Variants in MAML3 observed in about 807,000 individuals in gnomAD.
MAML3 encodes mastermind-like protein 3.
A neutral mutation model predicts 101.9 loss-of-function variants in MAML3; 27 were observed. The observed-to-expected ratio is 0.27, with a 90% confidence interval of 0.20 to 0.37. The LOEUF is 0.37. MAML3 is among the 10% of genes least tolerant of loss of function. The pLI is 1.00. For synonymous variants in MAML3, 501 were observed against 555.9 expected, an observed-to-expected ratio of 0.90 and a Z score of 1.39; for missense variants, 1,316 against 1,444.9, an observed-to-expected ratio of 0.91 and a Z score of 1.45.
intron 1 of MAML3, among the ~76,000 whole-genome samples, chr4:140,090,335 T>C (rs559452331): frequency 6.6e-6 from 1 of 152,300 alleles, no homozygotes; most frequent in South Asian, 2.1e-4. Flanking sequence ...TCATGGAATG[T>C]TAGAATGTTG....
intron 1 of MAML3, among the ~76,000 whole-genome samples, chr4:139,907,779 G>A (rs576038602): frequency 1.3e-5 from 2 of 152,280 alleles, no homozygotes; most frequent in South Asian, 2.1e-4. Flanking sequence ...AGACAACAAT[G>A]TTGTATCCCA....
chr4:139,918,128 A>G (rs1733059672), intron 1 of MAML3, among the ~76,000 whole-genome samples: 1 of 151,872 alleles, frequency 6.6e-6, no homozygotes, highest in South Asian at 2.1e-4. Context: ...CTCTTGCGCT[A>G]TTGTTCCACT....
chr4:140,068,263 T>C (rs1578667799), intron 1 of MAML3, among the ~76,000 whole-genome samples: 1 of 152,178 alleles, frequency 6.6e-6, no homozygotes, highest in Non-Finnish European at 1.5e-5. Context: ...CTTTGCATTC[T>C]CTATAATCTT....
intron 1 of MAML3, among the ~76,000 whole-genome samples, chr4:140,091,537 CAAA>C (rs570700966): frequency 1.4e-5 from 1 of 71,622 alleles, no homozygotes; most frequent in African/African-American, 4.7e-5. Flanking sequence ...AACAACAAAA[CAAA>C]AACAAAACAA....
intron 1 of MAML3, among the ~76,000 whole-genome samples, chr4:140,039,073 C>T (rs551883330): frequency 1.1e-4 from 17 of 151,932 alleles, no homozygotes; most frequent in Non-Finnish European, 2.4e-4. Flanking sequence ...GAGTCGAGAT[C>T]GATCGTGCCA....
intron 2 of MAML3, among the ~76,000 whole-genome samples, chr4:139,762,971 T>G (rs1729785236): frequency 6.6e-6 from 1 of 152,138 alleles, no homozygotes; most frequent in Non-Finnish European, 1.5e-5. Context: ...TCCTCTGGCT[T>G]CTCTTGGCAC....
intron 1 of MAML3, among the ~76,000 whole-genome samples, chr4:139,937,122 T>G (rs764506577): frequency 2.6e-5 from 4 of 152,208 alleles, no homozygotes; most frequent in African/African-American, 7.2e-5. Flanking sequence ...CTAGCCAAAT[T>G]TTCTAAAAGA....
At chr4:140,078,830 GC>G (rs1727819175) in intron 1 of MAML3, among the ~76,000 whole-genome samples, 1 of 152,120 alleles carries the variant, frequency 6.6e-6, no homozygotes, top group South Asian at 2.1e-4. Context: ...AACTCCCAGG[GC>G]CCACCATGAG....
intron 2 of MAML3, among the ~76,000 whole-genome samples, chr4:139,766,274 C>T (rs534511751): frequency 6.6e-4 from 100 of 152,188 alleles, no homozygotes; most frequent in South Asian, 2.7e-3. Context: ...TGGGTTCAAG[C>T]GATTCTCCTG....
chr4:139,767,130 C>T (rs1729877416), intron 2 of MAML3, among the ~76,000 whole-genome samples: 1 of 152,246 alleles, frequency 6.6e-6, no homozygotes, highest in African/African-American at 2.4e-5. Flanking sequence ...AGCACCACAA[C>T]AACTTTCCAG....
intron 1 of MAML3, among the ~76,000 whole-genome samples, chr4:140,121,639 C>A (rs1197618920): frequency 6.6e-6 from 1 of 152,150 alleles, no homozygotes; most frequent in East Asian, 1.9e-4. Flanking sequence ...TTTAATCCCT[C>A]AAAGTGATAT....
chr4:139,869,162 C>A (rs765056107), intron 2 of MAML3, among the ~76,000 whole-genome samples: 1 of 152,166 alleles, frequency 6.6e-6, no homozygotes, highest in Non-Finnish European at 1.5e-5. Flanking sequence ...TGTTCCAATT[C>A]TTTTGCTTCC....
intron 2 of MAML3, among the ~76,000 whole-genome samples, chr4:139,801,439 T>A (rs1730601714): frequency 6.6e-6 from 1 of 151,888 alleles, no homozygotes; most frequent in Non-Finnish European, 1.5e-5. Flanking sequence ...ACCACCGCTG[T>A]GGGGAGGGAT....
chr4:140,067,726 C>CTTT (rs34853196), intron 1 of MAML3, among the ~76,000 whole-genome samples: 23 of 131,370 alleles, frequency 1.8e-4, no homozygotes, highest in South Asian at 2.5e-4. Flanking sequence ...CAATCTTAAT[C>CTTT]TTTTTTTTTT....
intron 1 of MAML3, among the ~76,000 whole-genome samples, chr4:140,012,857 C>G (rs1298679880): frequency 6.6e-6 from 1 of 152,174 alleles, no homozygotes; most frequent in Non-Finnish European, 1.5e-5. Flanking sequence ...CGCCGGTTAA[C>G]TCAGGTTTCT....
intron 1 of MAML3, among the ~76,000 whole-genome samples, chr4:139,980,880 G>A (rs1056223821): frequency 6.6e-5 from 10 of 152,108 alleles, no homozygotes; most frequent in East Asian, 3.8e-4. Context: ...AAGCTACTGC[G>A]GTAGAGAATT....
intron 1 of MAML3, among the ~76,000 whole-genome samples, chr4:140,078,009 T>C (rs1387047698): frequency 2.3e-5 from 3 of 128,188 alleles, no homozygotes; most frequent in Non-Finnish European, 3.3e-5. Flanking sequence ...AGAGCAAGAC[T>C]CCGTCTCAAA....
At chr4:140,117,367 A>G (rs1728533417) in intron 1 of MAML3, among the ~76,000 whole-genome samples, 1 of 152,070 alleles carries the variant, frequency 6.6e-6, no homozygotes, top group South Asian at 2.1e-4. Context: ...CCACATTAAA[A>G]CCTAACTTCC....
intron 2 of MAML3, among the ~76,000 whole-genome samples, chr4:139,810,518 G>A (rs1730778044): frequency 6.6e-6 from 1 of 151,924 alleles, no homozygotes; most frequent in Non-Finnish European, 1.5e-5. Context: ...ATATATATCT[G>A]TACAGGTCTT....
Sources: allele counts gnomAD v4.1 joint callset (sites outside exome capture counted in the v4.1 genomes callset), GRCh38; gene constraint gnomAD v4.1.1; transcripts MANE v1.5; gene names NCBI Gene and HGNC (gene_info 2026-07-23, HGNC 2026-07-21).